EDNRB: variants seen among roughly 807,000 people sequenced by gnomAD.
EDNRB encodes endothelin receptor type B, also known as Hirschsprung disease 2.
Under a neutral mutation model 46.4 loss-of-function variants are expected in EDNRB, and 18 were observed. The ratio of observed to expected loss-of-function variants is 0.39; its 90% CI spans 0.27 to 0.57. The LOEUF is 0.57. Ranked by LOEUF, EDNRB falls within the 20% of genes least tolerant of loss-of-function variation. EDNRB has a pLI of 0.61. For missense variants in EDNRB, 434 were observed against 537.5 expected, an observed-to-expected ratio of 0.81 and a Z score of 1.90; for synonymous variants, 213 against 204.9, an observed-to-expected ratio of 1.04 and a Z score of -0.34.
chr13:77,943,738 T>G (rs141549099), intron 1 of EDNRB, among the ~76,000 whole-genome samples: 4 of 152,084 alleles, frequency 2.6e-5, no homozygotes, highest in African/African-American at 9.6e-5. Flanking sequence ...TCTCTTCTAT[T>G]GGCTTTTTCA....
upstream of EDNRB, chr13:77,919,687 G>C: frequency 7.0e-7 from 1 of 1,438,168 alleles, no homozygotes; most frequent in Non-Finnish European, 9.4e-7. Flanking sequence ...TTCCCCTTGG[G>C]CGATGCCTGG....
At chr13:77,931,359 T>A (rs1880392017) in intron 1 of EDNRB, among the ~76,000 whole-genome samples, 1 of 152,148 alleles carries the variant, frequency 6.6e-6, no homozygotes, top group African/African-American at 2.4e-5. Flanking sequence ...ATAAACCTGC[T>A]TATAAATGAC....
At chr13:77,920,919 G>A (rs970347912), upstream of EDNRB, among the ~76,000 whole-genome samples, 1 of 152,092 alleles carries the variant, frequency 6.6e-6, no homozygotes, top group Admixed American at 6.5e-5. Flanking sequence ...CATGCCTATG[G>A]CTCCTGTGGG....
At chr13:77,955,855 A>G (rs917107759) in intron 1 of EDNRB, among the ~76,000 whole-genome samples, 2 of 146,612 alleles carry the variant, frequency 1.4e-5, no homozygotes, top group African/African-American at 5.2e-5. Flanking sequence ...GTATCTATCT[A>G]TCTATCTATC....
intron 1 of EDNRB, among the ~76,000 whole-genome samples, chr13:77,950,802 G>A (rs1881069476): frequency 6.6e-6 from 1 of 152,148 alleles, no homozygotes; most frequent in African/African-American, 2.4e-5. Flanking sequence ...AGAAACACCA[G>A]TTTTCTCATC....
chr13:77,936,369 C>A (rs1031816355), intron 1 of EDNRB, among the ~76,000 whole-genome samples: 1 of 152,044 alleles, frequency 6.6e-6, no homozygotes. Context: ...TAAGTTGGCA[C>A]CAGAGTTGGG....
Position 77,918,809 on chromosome 13 carries a change from A to G in EDNRB, c.-236T>C. The G allele has an allele frequency of 7.6e-7, 1 of 1,313,994 alleles. No homozygotes were observed. Among genetic ancestry groups the G allele is most frequent in the Non-Finnish European group, 9.6e-7 (1 of 1,036,780 alleles). 81.4% of individuals were successfully genotyped at this position (1,313,994 alleles called of 1,614,324 possible). ...CAGCGCGGGTCGAAACTCCTTCCTGATGCCCTCTCAGCTGTTTTTCTTCCC... is the reference window on the plus strand; with the variant it reads ...CAGCGCGGGTCGAAACTCCTTCCTGGTGCCCTCTCAGCTGTTTTTCTTCCC... On this transcript the variant is annotated 5_prime_UTR_variant, in exon 1 of 7. Transcript: ENST00000646607. This position sits in a 1 kb window ranked among gnomAD's most constrained non-coding sequence, Gnocchi z 4.5.
At position 77,903,334 on chromosome 13, in the gene EDNRB, C is replaced by T. The variant is rs1361744218; in HGVS notation, c.623G>A (p.Arg208Lys). Residue 208 changes from arginine to lysine, a missense_variant, in exon 3 of 7, where the codon AGA becomes AAA. Transcript: ENST00000646607. ...TTTTGGAACCCCAATTCCTTTAATT[C>T]TACTCCAAGAAGCAACAGCTCGATA... ...DRYRAVASWS[R>K]IKGIGVPKWT... 3.1e-6 allele frequency: 5 copies of T among 1,612,686 alleles called. No individual in the cohort carries two copies. Among genetic ancestry groups the T allele is most frequent in the African/African-American group, 2.7e-5 (2 of 74,722 alleles).
At chr13:77,965,933 G>T (rs574308959) in intron 1 of EDNRB, among the ~76,000 whole-genome samples, 31 of 152,282 alleles carry the variant, frequency 2.0e-4, no homozygotes, top group Middle Eastern at 6.8e-3. Flanking sequence ...CTGGAGTGCA[G>T]TGTTGTGATC....
intron 1 of EDNRB, among the ~76,000 whole-genome samples, chr13:77,934,679 A>AG (rs61163800): frequency 0.058 from 7,341 of 127,298 alleles, 237 homozygotes; most frequent in East Asian, 0.17. Context: ...TGTGTAGGAA[A>AG]GGGGGGGGGG....
intron 3 of EDNRB, among the ~76,000 whole-genome samples, chr13:77,902,773 T>C (rs1879065935): frequency 6.6e-6 from 1 of 152,018 alleles, no homozygotes; most frequent in Non-Finnish European, 1.5e-5. Flanking sequence ...CATTGCTCCA[T>C]TGTGAGACAC....
intron 1 of EDNRB, among the ~76,000 whole-genome samples, chr13:77,937,056 G>T (rs1359477743): frequency 1.3e-5 from 2 of 152,146 alleles, no homozygotes; most frequent in Non-Finnish European, 2.9e-5. Flanking sequence ...AGTGGATTGG[G>T]TGATAAAATG....
At position 77,931,744 on chromosome 13, in the gene EDNRB, C is replaced by CAA. The variant is rs67176737; in HGVS notation, c.-51-13122_-51-13121dup. ...CCTTAGCATTGAAATACTGTAGTAG[C>CAA]AAAAAAAAAAAAAAAACAAAAAAAA... On this transcript the variant is annotated intron_variant, in intron 1 of 7. Transcript: ENST00000646948. 1.4e-3 allele frequency among the ~76,000 whole-genome samples: 118 copies of CAA among 83,424 alleles called. 5 individuals carry two copies. In the South Asian group the frequency reaches 0.038, roughly 27 times the overall value. 54.7% of individuals were successfully genotyped at this position (83,424 alleles called of 152,430 possible). A position where few individuals can be genotyped will look rare whatever the true frequency, so the allele number is the denominator to read the frequency against.
intron 1 of EDNRB, among the ~76,000 whole-genome samples, chr13:77,974,917 G>T (rs977039355): frequency 1.8e-4 from 28 of 151,956 alleles, no homozygotes; most frequent in African/African-American, 6.8e-4. Context: ...TTCCTAGTAG[G>T]GTGGGCTTAT....
At chr13:77,929,497 C>T (rs1275958055) in intron 1 of EDNRB, among the ~76,000 whole-genome samples, 2 of 152,132 alleles carry the variant, frequency 1.3e-5, no homozygotes, top group African/African-American at 2.4e-5. Context: ...CCTTCTGTAA[C>T]TAATAGTTGC....
intron 1 of EDNRB, among the ~76,000 whole-genome samples, chr13:77,965,794 G>A (rs1881564022): frequency 6.6e-6 from 1 of 152,064 alleles, no homozygotes; most frequent in Non-Finnish European, 1.5e-5. Flanking sequence ...ATTGAAAAGG[G>A]GTTCTTAAAA....
At chr13:77,971,494 C>T (rs1306353757) in intron 1 of EDNRB, among the ~76,000 whole-genome samples, 1 of 151,884 alleles carries the variant, frequency 6.6e-6, no homozygotes, top group Non-Finnish European at 1.5e-5. Context: ...TGGATTAAAA[C>T]TCCAACTGCC....
intron 1 of EDNRB, among the ~76,000 whole-genome samples, chr13:77,972,662 C>G (rs946408385): frequency 2.6e-5 from 4 of 152,144 alleles, no homozygotes; most frequent in African/African-American, 9.7e-5. Context: ...CTGTCTTTGA[C>G]TTGGCAAGTC....
chr13:77,961,290 C>T (rs1042174722), intron 1 of EDNRB, among the ~76,000 whole-genome samples: 3 of 152,222 alleles, frequency 2.0e-5, no homozygotes, highest in African/African-American at 4.8e-5. Flanking sequence ...AGGTCTGCAC[C>T]AAGCAGACCT....
Sources: gnomAD v4.1 joint callset for allele counts (sites outside exome capture counted in the v4.1 genomes callset) on GRCh38, gnomAD v4.1.1 for gene constraint, Gnocchi (gnomAD v3.1) non-coding constraint, MANE v1.5 for transcripts, NCBI Gene and HGNC (gene_info 2026-07-23, HGNC 2026-07-21) for gene names.